Variants in UBE2U observed in about 807,000 individuals in gnomAD.
UBE2U encodes ubiquitin-conjugating enzyme E2 U.
Under a neutral mutation model 41.2 loss-of-function variants are expected in UBE2U, and 39 were observed. The observed-to-expected ratio is 0.95, with a 90% CI of 0.73 to 1.24. The LOEUF (loss-of-function observed/expected upper bound fraction) is 1.24. Among genes scored for constraint, UBE2U ranks in the 50% most tolerant of loss-of-function variants. UBE2U has a pLI of 0.00. For synonymous variants in UBE2U, 107 were observed against 117.8 expected (o/e 0.91, Z 0.60); for missense variants, 336 against 363.1 (o/e 0.93, Z 0.61).
At chr1:64,241,963 T>A (rs1557734807) in intron 8 of UBE2U, among the ~76,000 whole-genome samples, 1 of 152,168 alleles carries the variant, frequency 6.6e-6, no homozygotes, top group Non-Finnish European at 1.5e-5. Flanking sequence ...AGATAGGACA[T>A]GATCTGCAGT....
rs1644615014 is a variant in UBE2U, at chr1:64,233,777, G to A, written c.595+1128G>A. 2.6e-5 allele frequency among the ~76,000 whole-genome samples: 4 copies of A among 152,206 alleles called. No individual in the cohort carries two copies. In the South Asian group the frequency reaches 6.2e-4, roughly 24 times the overall value. ...GTACTATTTCATTATCTGGATGAAA[G>A]TAGGTTGTCCAGTCTGCATACACTT... On this transcript the variant is annotated intron_variant, in intron 7 of 9. Transcript: ENST00000371077.
intron 1 of UBE2U, 39 bp downstream of exon 1, chr1:64,204,155 C>A: frequency 6.3e-7 from 1 of 1,577,514 alleles, no homozygotes; most frequent in Non-Finnish European, 8.7e-7. Context: ...TTTCATTGTG[C>A]AATAATTTTT....
At chr1:64,258,250 C>T (rs1645126077) in intron 8 of UBE2U, among the ~76,000 whole-genome samples, 1 of 152,012 alleles carries the variant, frequency 6.6e-6, no homozygotes, top group Non-Finnish European at 1.5e-5. Flanking sequence ...GGTTGGTGTT[C>T]AATGAATATT....
chr1:64,205,971 T>C (rs1651270796), intron 2 of UBE2U, among the ~76,000 whole-genome samples: 2 of 152,320 alleles, frequency 1.3e-5, no homozygotes, highest in East Asian at 3.9e-4. Flanking sequence ...ATCTTAATTT[T>C]ATTACATTTT....
At chr1:64,258,728 A>G (rs1645136666) in intron 8 of UBE2U, among the ~76,000 whole-genome samples, 1 of 152,132 alleles carries the variant, frequency 6.6e-6, no homozygotes, top group South Asian at 2.1e-4. Flanking sequence ...TCATAGATGG[A>G]CATTTGGGTT....
intron 9 of UBE2U, among the ~76,000 whole-genome samples, chr1:64,264,580 G>T (rs1373219883): frequency 6.6e-6 from 1 of 152,172 alleles, no homozygotes; most frequent in Non-Finnish European, 1.5e-5. Flanking sequence ...AGTCAAGGTG[G>T]TTGATTCCCA....
chr1:64,241,285 T>C (rs1644830267), intron 7 of UBE2U, among the ~76,000 whole-genome samples: 1 of 152,192 alleles, frequency 6.6e-6, no homozygotes, highest in Admixed American at 6.5e-5. Context: ...TTCAGTTTTA[T>C]TGCATGACAC....
chr1:64,219,865 T>G (rs1652314116), intron 5 of UBE2U, among the ~76,000 whole-genome samples: 1 of 152,242 alleles, frequency 6.6e-6, no homozygotes, highest in South Asian at 2.1e-4. Context: ...CCCAAAGTGC[T>G]GGGATTACAG....
intron 8 of UBE2U, among the ~76,000 whole-genome samples, chr1:64,260,079 C>A (rs1409464914): frequency 6.6e-6 from 1 of 151,854 alleles, no homozygotes; most frequent in Non-Finnish European, 1.5e-5. Context: ...GAAGCAGAGA[C>A]TGGAGTGATG....
At chr1:64,235,656 T>A (rs931618937) in intron 7 of UBE2U, among the ~76,000 whole-genome samples, 4 of 152,240 alleles carry the variant, frequency 2.6e-5, no homozygotes, top group African/African-American at 7.2e-5. Flanking sequence ...AAGAGCTTTA[T>A]CTTTTATGAG....
chr1:64,262,826 T>C (rs1331751034), intron 9 of UBE2U, among the ~76,000 whole-genome samples: 1 of 152,218 alleles, frequency 6.6e-6, no homozygotes. Context: ...AGGGGCCATC[T>C]TGGAGTCTGT....
chr1:64,205,953 T>C (rs1357452169), intron 2 of UBE2U, among the ~76,000 whole-genome samples: 1 of 152,194 alleles, frequency 6.6e-6, no homozygotes, highest in Non-Finnish European at 1.5e-5. Context: ...TATTTTTCTT[T>C]ATGCCAAATC....
intron 8 of UBE2U, among the ~76,000 whole-genome samples, chr1:64,256,794 C>T (rs1453588945): frequency 2.0e-5 from 3 of 151,836 alleles, no homozygotes; most frequent in Non-Finnish European, 2.9e-5. Context: ...AGCTTCTGCA[C>T]AGCAAAGGAA....
At chr1:64,246,122 TGTTA>T (rs1001785248) in intron 8 of UBE2U, among the ~76,000 whole-genome samples, 18 of 142,636 alleles carry the variant, frequency 1.3e-4, no homozygotes, top group East Asian at 4.3e-4. Context: ...TATTAAACAA[TGTTA>T]GTTCTTTTTT....
intron 7 of UBE2U, among the ~76,000 whole-genome samples, chr1:64,241,031 C>A (rs1570094547): frequency 1.3e-5 from 2 of 152,166 alleles, no homozygotes; most frequent in African/African-American, 4.8e-5. Flanking sequence ...GATAAGTGAT[C>A]TACTGAGCAT....
chr1:64,221,913 G>C (rs1463317156), intron 6 of UBE2U, among the ~76,000 whole-genome samples: 1 of 151,886 alleles, frequency 6.6e-6, no homozygotes, highest in African/African-American at 2.4e-5. Flanking sequence ...GGTGAAACCT[G>C]TCTCTACTAA....
chr1:64,219,759 C>T (rs2100315645), intron 5 of UBE2U, among the ~76,000 whole-genome samples: 1 of 152,102 alleles, frequency 6.6e-6, no homozygotes, highest in South Asian at 2.1e-4. Context: ...CCACACCTGG[C>T]TAATTTTTTT....
intron 8 of UBE2U, among the ~76,000 whole-genome samples, chr1:64,248,490 A>G (rs1644956984): frequency 6.6e-6 from 1 of 152,164 alleles, no homozygotes; most frequent in South Asian, 2.1e-4. Flanking sequence ...CCTTTTCAAG[A>G]ACATGTTACA....
At chr1:64,217,092 T>C (rs11208385) in intron 5 of UBE2U, among the ~76,000 whole-genome samples, 27,017 of 152,230 alleles carry the variant, frequency 0.18, 3,114 homozygotes, top group Non-Finnish European at 0.25. Flanking sequence ...AGGTCCCAGT[T>C]GGCCAAACAT....
Sources: allele counts gnomAD v4.1 joint callset (sites outside exome capture counted in the v4.1 genomes callset), GRCh38; gene constraint gnomAD v4.1.1; transcripts MANE v1.5; gene names NCBI Gene and HGNC (gene_info 2026-07-23, HGNC 2026-07-21).